The following PBRM1 variants were observed in gnomAD, a reference collection of about 807,000 sequenced individuals.
The protein encoded by PBRM1 is polybromo 1.
In PBRM1, 27 loss-of-function variants were observed where a neutral mutation model predicts 194.5. The ratio of observed to expected loss-of-function variants is 0.14; its 90% CI spans 0.10 to 0.19. The LOEUF is 0.19. PBRM1 is among the 10% of genes least tolerant of loss of function. PBRM1 has a pLI of 1.00. For synonymous variants in PBRM1, 655 were observed against 693.2 expected, an observed-to-expected ratio of 0.94 and a Z score of 0.87; for missense variants, 1,466 against 2,077.2, an observed-to-expected ratio of 0.71 and a Z score of 5.72.
chr3:52,594,300 T>C (rs544318513), intron 17 of PBRM1, among the ~76,000 whole-genome samples: 2 of 152,370 alleles, frequency 1.3e-5, no homozygotes, highest in Admixed American at 6.5e-5. Flanking sequence ...AGTCTTCTTG[T>C]TGAAATGAAC....
chr3:52,571,271 C>T lies in PBRM1; in HGVS notation c.3691+5270G>A, dbSNP rs555831161. On this transcript the variant is annotated intron_variant, in intron 22 of 29. Coordinates refer to ENST00000296302, the Ensembl canonical transcript of PBRM1. ...CCAGGAGGTGGAGGTTGCAGTGAGC[C>T]GAGATTGTGCCACTGCACTGCAGCC... 6.9e-5 allele frequency among the ~76,000 whole-genome samples: 10 copies of T among 144,196 alleles called. No individual in the cohort carries two copies. In the East Asian group the frequency reaches 1.8e-3, roughly 26 times the overall value. 94.6% of individuals were successfully genotyped at this position (144,196 alleles called of 152,430 possible). A position where few individuals can be genotyped will look rare whatever the true frequency, so the allele number is the denominator to read the frequency against.
chr3:52,572,506 G>C (rs1274368081), intron 22 of PBRM1, among the ~76,000 whole-genome samples: 1 of 152,112 alleles, frequency 6.6e-6, no homozygotes, highest in Admixed American at 6.6e-5. Flanking sequence ...TGAGTAGCCG[G>C]GATTACAGGA....
upstream of PBRM1, among the ~76,000 whole-genome samples, chr3:52,684,330 T>C (rs528495396): frequency 6.0e-4 from 92 of 152,250 alleles, no homozygotes; most frequent in African/African-American, 2.0e-3. Flanking sequence ...TAATTTATAG[T>C]GGACAGTTAA....
At chr3:52,562,000 A>G (rs1484216616) in intron 24 of PBRM1, 32 bp from the exon 27 acceptor site, 2 of 1,557,440 alleles carry the variant, frequency 1.3e-6, no homozygotes, top group South Asian at 1.1e-5. Flanking sequence ...TGGTGCATCA[A>G]AACATTACAT....
intron 17 of PBRM1, among the ~76,000 whole-genome samples, chr3:52,602,911 A>G (rs2094106785): frequency 6.6e-6 from 1 of 152,216 alleles, no homozygotes. Context: ...ATTTGATGCC[A>G]AAGATTAACA....
At chr3:52,601,336 G>T (rs1383462209) in intron 17 of PBRM1, among the ~76,000 whole-genome samples, 4 of 152,194 alleles carry the variant, frequency 2.6e-5, no homozygotes, top group Non-Finnish European at 5.9e-5. Context: ...GATGGGGTTT[G>T]TGTGGGTAAG....
At chr3:52,642,140 G>A (rs2153710117) in intron 9 of PBRM1, 95 bp from the exon 11 acceptor site, 1 of 727,188 alleles carries the variant, frequency 1.4e-6, no homozygotes, top group Non-Finnish European at 2.4e-6. Flanking sequence ...GTGTTAAGAT[G>A]AAAGAAAAAT....
chr3:52,628,976 A>G, exon 12 of PBRM1: 1 of 1,611,012 alleles, frequency 6.2e-7, no homozygotes, highest in Non-Finnish European at 8.5e-7. Flanking sequence ...TTCAAACATT[A>G]AATTCAGATC....
upstream of PBRM1, among the ~76,000 whole-genome samples, chr3:52,682,514 T>C (rs1318444737): frequency 6.6e-6 from 1 of 152,186 alleles, no homozygotes; most frequent in East Asian, 1.9e-4. Context: ...CCCAATATCC[T>C]TGAATCATTA....
chr3:52,576,729 A>C, intron 21 of PBRM1, 31 bp from the exon 24 acceptor site: 2 of 1,526,426 alleles, frequency 1.3e-6, no homozygotes, highest in Non-Finnish European at 1.8e-6. Flanking sequence ...AATTACATTA[A>C]AATAGTTTCC....
chr3:52,608,008 C>G (rs1239086233), intron 16 of PBRM1, among the ~76,000 whole-genome samples: 1 of 152,156 alleles, frequency 6.6e-6, no homozygotes, highest in Non-Finnish European at 1.5e-5. Context: ...TCATTTGAAC[C>G]CTACCTATCA....
intron 29 of PBRM1, among the ~76,000 whole-genome samples, 190 bp downstream of exon 31, chr3:52,550,231 A>G (rs780932376): frequency 6.6e-6 from 1 of 152,188 alleles, no homozygotes; most frequent in Non-Finnish European, 1.5e-5. Context: ...AACAAAACAA[A>G]ACAAAACAAA....
intron 11 of PBRM1, among the ~76,000 whole-genome samples, chr3:52,632,525 T>G (rs149789074): frequency 3.3e-5 from 5 of 152,198 alleles, no homozygotes; most frequent in African/African-American, 1.2e-4. Context: ...GAGTTGATCA[T>G]GCCAGCTTAC....
chr3:52,583,131 C>G (rs933112327), intron 20 of PBRM1, among the ~76,000 whole-genome samples: 2 of 135,826 alleles, frequency 1.5e-5, no homozygotes, highest in East Asian at 2.3e-4. Flanking sequence ...CTAATAGGGG[C>G]GGGGGCGGTG....
chr3:52,579,454 G>T (rs1038037958), intron 20 of PBRM1, among the ~76,000 whole-genome samples: 2 of 151,992 alleles, frequency 1.3e-5, no homozygotes, highest in African/African-American at 4.8e-5. Flanking sequence ...AAAATTAGTT[G>T]GGCATGGTAG....
chr3:52,606,609 G>T (rs1031443582), intron 16 of PBRM1, among the ~76,000 whole-genome samples: 1 of 152,248 alleles, frequency 6.6e-6, no homozygotes, highest in South Asian at 2.1e-4. Context: ...ATTAGTCTAC[G>T]AGGTCAGGTA....
rs752657380 is a variant in PBRM1 at position 52,561,988 on chromosome 3, T to C, written c.4087-20A>G. The stretch of plus-strand genomic sequence containing the variant: ...GGTAGACTGTAAGACAGAAAGGTCT[T>C]ATGGTGCATCAAAACATTACATTTG... On this transcript the variant is annotated intron_variant, in intron 24 of 29. Transcript: ENST00000296302. The C allele has an allele frequency of 2.5e-6, 4 of 1,588,896 alleles. No individual in the cohort carries two copies. Among genetic ancestry groups the C allele is most frequent in the South Asian group, 2.2e-5 (2 of 90,534 alleles).
rs868752485 is a variant in PBRM1 at position 52,674,808 on chromosome 3, G to A, written c.236+3692C>T. Among the ~76,000 whole-genome samples, 5 of 150,774 alleles carry A rather than the reference G, an allele frequency of 3.3e-5. No homozygotes were observed. In the South Asian group the frequency reaches 8.4e-4, roughly 25 times the overall value. On this transcript the variant is annotated intron_variant, in intron 2 of 29. Transcript: ENST00000296302. Reference sequence around the variant, plus strand: ...TATATATACAATATATATATTTTATGTGTTTACTATATACATACACACGTA... The same window carrying A: ...TATATATACAATATATATATTTTATATGTTTACTATATACATACACACGTA...
At chr3:52,596,140 T>C (rs1023234607) in intron 17 of PBRM1, among the ~76,000 whole-genome samples, 1 of 152,118 alleles carries the variant, frequency 6.6e-6, no homozygotes, top group Non-Finnish European at 1.5e-5. Context: ...TATGGTTCCA[T>C]ATAAATTGTA....
Sources: allele counts gnomAD v4.1 joint callset (sites outside exome capture counted in the v4.1 genomes callset), GRCh38; gene constraint gnomAD v4.1.1; transcripts MANE v1.5; gene names NCBI Gene and HGNC (gene_info 2026-07-23, HGNC 2026-07-21).